The following CAMK2G variants were observed in gnomAD, a reference collection of about 807,000 sequenced individuals.
CAMK2G encodes calcium/calmodulin-dependent protein kinase type II subunit gamma.
In CAMK2G, 23 loss-of-function variants were observed where a neutral mutation model predicts 88.7. That is an observed-to-expected ratio of 0.26 (90% CI 0.19 to 0.37). The LOEUF (loss-of-function observed/expected upper bound fraction) is 0.37. Ranked by LOEUF, CAMK2G falls within the 10% of genes least tolerant of loss-of-function variation. The probability of loss-of-function intolerance (pLI) is 1.00; values close to 1 mark genes in which losing one functional copy is unlikely to be tolerated. For synonymous variants in CAMK2G, 263 were observed against 294.8 expected (o/e 0.89, Z 1.11); for missense variants, 476 against 780.8 (o/e 0.61, Z 4.65).
chr10:73,824,826 G>C (rs1412439792), intron 16 of CAMK2G, among the ~76,000 whole-genome samples: 1 of 152,252 alleles, frequency 6.6e-6, no homozygotes, highest in African/African-American at 2.4e-5. Flanking sequence ...ACCATCCAGA[G>C]GTGGGGACCC....
chr10:73,847,167 G>A lies in CAMK2G; in HGVS notation c.819+58C>T, dbSNP rs145626979. 3.1e-3 allele frequency: 4,950 copies of A among 1,579,824 alleles called. 34 individuals carry two copies. The highest frequency in any genetic ancestry group is 0.013 in the Middle Eastern group (75 of 5,988). On this transcript the variant is annotated intron_variant, in intron 10 of 22. Transcript: ENST00000423381. Reference sequence around the variant, plus strand: ...CTGGTAAGAAGGAGGGGGTGGTGCCGAGGGCACACAGAAGGCTGACACCCC... The same window carrying A: ...CTGGTAAGAAGGAGGGGGTGGTGCCAAGGGCACACAGAAGGCTGACACCCC...
At position 73,813,845 on chromosome 10, in the gene CAMK2G, T is replaced by G. The variant is rs1359257087; in HGVS notation, c.*673A>C. 1 of 152,586 alleles carries G rather than the reference T, an allele frequency of 6.6e-6. No individual in the cohort carries two copies. Among genetic ancestry groups the G allele is most frequent in the East Asian group, 1.9e-4 (1 of 5,166 alleles). 9.5% of individuals were successfully genotyped at this position (152,586 alleles called of 1,614,324 possible). A position where few individuals can be genotyped will look rare whatever the true frequency, so the allele number is the denominator to read the frequency against. On this transcript the variant is annotated 3_prime_UTR_variant, in exon 23 of 23. Transcript: ENST00000423381. ...CTTCTGCAGCACCAATTCTCTTCCC[T>G]TCTACACTAAACAAGACAGTACAGC...
intron 2 of CAMK2G, among the ~76,000 whole-genome samples, chr10:73,868,572 T>G (rs1382471304): frequency 6.6e-6 from 1 of 152,226 alleles, no homozygotes; most frequent in African/African-American, 2.4e-5. Context: ...GCCTGTTTTA[T>G]CCTCAGGAGG....
In CAMK2G at chr10:73,815,030, G is replaced by T; in HGVS notation, c.1752C>A (p.Ala584=). The change falls in exon 22 of 23, where the codon GCC becomes GCA. Residue 584 remains alanine, a synonymous_variant. Coordinates refer to ENST00000423381, the MANE Select transcript of CAMK2G (RefSeq NM_001367534.1). ...GTGGCTGAGCTCACTGCAGCGGTGCGGCAGGGGCCCCTGAGCAGTGATAGT... is the reference window on the plus strand; with the variant it reads ...GTGGCTGAGCTCACTGCAGCGGTGCTGCAGGGGCCCCTGAGCAGTGATAGT... ...NVHYHCSGAP[A]APLQ 3 of 1,612,852 alleles carry T rather than the reference G, an allele frequency of 1.9e-6. No individual in the cohort carries two copies. The highest frequency in any genetic ancestry group is 2.5e-6 in the Non-Finnish European group (3 of 1,179,240).
intron 5 of CAMK2G, among the ~76,000 whole-genome samples, chr10:73,851,824 C>T (rs2094650941): frequency 6.6e-6 from 1 of 151,786 alleles, no homozygotes; most frequent in African/African-American, 2.4e-5. Context: ...TGGCTCACTG[C>T]AACCTTCGCT....
At chr10:73,861,589 C>A (rs1309317943) in intron 2 of CAMK2G, among the ~76,000 whole-genome samples, 1 of 152,122 alleles carries the variant, frequency 6.6e-6, no homozygotes, top group African/African-American at 2.4e-5. Flanking sequence ...CTCCTGACCT[C>A]AGGTGATCCA....
intron 3 of CAMK2G, among the ~76,000 whole-genome samples, chr10:73,859,042 T>C (rs1178694116): frequency 6.6e-6 from 1 of 152,246 alleles, no homozygotes; most frequent in Non-Finnish European, 1.5e-5. Flanking sequence ...CTGTACCAGT[T>C]GGTCACAAGG....
At chr10:73,854,868 G>A (rs1466856474) in intron 3 of CAMK2G, among the ~76,000 whole-genome samples, 5 of 152,032 alleles carry the variant, frequency 3.3e-5, no homozygotes, top group South Asian at 2.1e-4. Context: ...GACTGTTTCC[G>A]CATCCCATTA....
At chr10:73,829,832 C>A (rs1037727862) in intron 14 of CAMK2G, among the ~76,000 whole-genome samples, 1 of 151,842 alleles carries the variant, frequency 6.6e-6, no homozygotes, top group Non-Finnish European at 1.5e-5. Flanking sequence ...TAGCAACATG[C>A]CTTATAGTTA....
rs79819412 is a variant in CAMK2G at position 73,836,331 on chromosome 10, T to C, written c.1053+1137A>G. On this transcript the variant is annotated intron_variant, in intron 14 of 22. Transcript: ENST00000423381. ...TATGGCGACTGAAAGCCACACCCCC[T>C]CTTACACCTCTGTTGTGTACCCCTC... is the stretch of plus-strand genomic sequence containing the variant. 8.1e-4 allele frequency among the ~76,000 whole-genome samples: 123 copies of C among 152,202 alleles called. 2 individuals carry two copies. The East Asian group carries it at 0.02, about 25-fold the overall frequency.
chr10:73,838,583 A>G (rs193030582), intron 13 of CAMK2G, among the ~76,000 whole-genome samples: 42 of 152,260 alleles, frequency 2.8e-4, no homozygotes, highest in Non-Finnish European at 4.4e-4. Flanking sequence ...TTGGGTAGCC[A>G]TTCCTCCCCA....
At chr10:73,814,890 T>C in intron 22 of CAMK2G, 113 bp downstream of exon 22, 1 of 690,328 alleles carries the variant, frequency 1.4e-6, no homozygotes, top group South Asian at 1.8e-5. Context: ...TTGCCAGTCC[T>C]CTGGGACGGC....
At chr10:73,856,636 A>G (rs1209249540) in intron 3 of CAMK2G, among the ~76,000 whole-genome samples, 1 of 152,266 alleles carries the variant, frequency 6.6e-6, no homozygotes, top group African/African-American at 2.4e-5. Context: ...GAATAAAATA[A>G]TCTGACACCC....
chr10:73,821,748 C>T lies in CAMK2G; in HGVS notation c.1201-18G>A. 1 of 1,605,326 alleles carries T rather than the reference C, an allele frequency of 6.2e-7. No individual in the cohort carries two copies. The highest frequency in any genetic ancestry group is 2.2e-5 in the East Asian group (1 of 44,856). ...GTGGAGCCCTGTAGGCCAAAAAGAA[C>T]ATGTTTCTATATGCTCCATCCCTTG... On this transcript the variant is annotated intron_variant, in intron 17 of 22. Transcript: ENST00000423381.
chr10:73,856,116 T>C (rs548077751), intron 3 of CAMK2G, among the ~76,000 whole-genome samples: 9 of 152,262 alleles, frequency 5.9e-5, no homozygotes, highest in Middle Eastern at 6.8e-3. Flanking sequence ...TAACACTTAG[T>C]TGAGCTGTCC....
chr10:73,855,233 C>T (rs567478728), intron 3 of CAMK2G, among the ~76,000 whole-genome samples: 6 of 152,188 alleles, frequency 3.9e-5, no homozygotes, highest in Non-Finnish European at 8.8e-5. Context: ...CGGTGCCTCA[C>T]GCTGAGTCTT....
At chr10:73,864,904 A>G (rs2095529157) in intron 2 of CAMK2G, among the ~76,000 whole-genome samples, 1 of 152,198 alleles carries the variant, frequency 6.6e-6, no homozygotes, top group Non-Finnish European at 1.5e-5. Flanking sequence ...TCGGCCTCCC[A>G]AAGTGCTGGG....
intron 3 of CAMK2G, among the ~76,000 whole-genome samples, chr10:73,856,913 C>T (rs1039427207): frequency 2.6e-5 from 4 of 152,208 alleles, no homozygotes; most frequent in South Asian, 4.1e-4. Flanking sequence ...CAACAATATG[C>T]CACATTTTAA....
At chr10:73,867,562 G>A (rs2095641179) in intron 2 of CAMK2G, among the ~76,000 whole-genome samples, 1 of 152,190 alleles carries the variant, frequency 6.6e-6, no homozygotes, top group African/African-American at 2.4e-5. Context: ...AAAGGGAGGA[G>A]AAAAGAGGGG....
Sources: gnomAD v4.1 joint callset for allele counts (sites outside exome capture counted in the v4.1 genomes callset) on GRCh38, gnomAD v4.1.1 for gene constraint, MANE v1.5 for transcripts, NCBI Gene and HGNC (gene_info 2026-07-23, HGNC 2026-07-21) for gene names.